CCNY: variants seen among roughly 807,000 people sequenced by gnomAD.
The protein encoded by CCNY is cyclin Y.
In CCNY, 19 loss-of-function variants were observed where a neutral mutation model predicts 42.8. The observed-to-expected ratio is 0.44, with a 90% confidence interval of 0.31 to 0.65. The LOEUF (loss-of-function observed/expected upper bound fraction) is 0.65, where lower values mean the gene tolerates loss of function less well. Ranked by LOEUF, CCNY falls within the 30% of genes least tolerant of loss-of-function variation. The probability of loss-of-function intolerance (pLI) is 0.07; values close to 1 mark genes in which losing one functional copy is unlikely to be tolerated. For missense variants in CCNY, 370 were observed against 437.3 expected (o/e 0.85, Z 1.37); for synonymous variants, 165 against 162.7 (o/e 1.01, Z -0.11).
intron 1 of CCNY, among the ~76,000 whole-genome samples, chr10:35,350,728 C>T (rs1359459334): frequency 6.6e-6 from 1 of 152,190 alleles, no homozygotes; most frequent in African/African-American, 2.4e-5. Flanking sequence ...GTGATGAGAT[C>T]ATTTAAATTA....
chr10:35,379,961 T>A (rs191254774), intron 1 of CCNY, among the ~76,000 whole-genome samples: 1 of 152,334 alleles, frequency 6.6e-6, no homozygotes, highest in East Asian at 1.9e-4. Flanking sequence ...CAGGCTGTCA[T>A]ATGAAGCATT....
chr10:35,465,938 A>AGAGAGAGAGAGAGAGAGTGTGTGT, intron 1 of CCNY, among the ~76,000 whole-genome samples: 48 of 81,014 alleles, frequency 5.9e-4, no homozygotes, highest in East Asian at 1.6e-3. Flanking sequence ...AGAGAGAGAG[A>AGAGAGAGAGAGAGAGAGTGTGTGT]GTGTGTGTGT....
In CCNY at chr10:35,530,424, G is replaced by C. The variant is rs1015467898; in HGVS notation, c.579+181G>C. On this transcript the variant is annotated intron_variant, in intron 7 of 9. Coordinates refer to ENST00000374704, the MANE Select transcript of CCNY (RefSeq NM_145012.6). The surrounding 1 kb of genome is among the most constrained non-coding windows in gnomAD (Gnocchi z 4.3). The stretch of plus-strand genomic sequence containing the variant: ...AATAGAGGATAGATATCCCGGAAGA[G>C]ATTGTGAAGATTGTTCTGTAGCCCC... 6.6e-6 allele frequency among the ~76,000 whole-genome samples: 1 copy of C among 152,234 alleles called. No homozygotes were observed. The highest frequency in any genetic ancestry group is 2.4e-5 in the African/African-American group (1 of 41,458).
intron 3 of CCNY, among the ~76,000 whole-genome samples, chr10:35,326,318 T>C (rs548702778): frequency 4.6e-5 from 7 of 152,036 alleles, no homozygotes; most frequent in Admixed American, 3.9e-4. Context: ...CACAGGAAAA[T>C]GCACATACAG....
chr10:35,535,562 G>C (rs558424705), intron 7 of CCNY, among the ~76,000 whole-genome samples: 1 of 152,178 alleles, frequency 6.6e-6, no homozygotes, highest in East Asian at 1.9e-4. Context: ...ATATGTATGA[G>C]AGACAGAGTG....
At position 35,506,013 on chromosome 10, in the gene CCNY, A is replaced by G. The variant is rs1840207036; in HGVS notation, c.264+4478A>G. ...ATTCTGGTTATAGGCTTCATCTGTA[A>G]GTCATAAAAGTCAAGTAATACAGTG... On this transcript the variant is annotated intron_variant, in intron 3 of 9. Transcript: ENST00000374704. Among the ~76,000 whole-genome samples, 3 of 152,218 alleles carry G rather than the reference A, an allele frequency of 2.0e-5. No individual in the cohort carries two copies. In the South Asian group the frequency reaches 6.2e-4, roughly 32 times the overall value.
In CCNY at chr10:35,464,160, C is replaced by T. The variant is rs572906336; in HGVS notation, c.155-19244C>T. On this transcript the variant is annotated intron_variant, in intron 1 of 9. Transcript: ENST00000374704. ...TTAAACCCAGCAGCATATCCACCGCCGAACTGGGTCTTCCAGCTCCCTCCT... is the reference window on the plus strand; with the variant it reads ...TTAAACCCAGCAGCATATCCACCGCTGAACTGGGTCTTCCAGCTCCCTCCT... Among the ~76,000 whole-genome samples the T allele has an allele frequency of 1.1e-4, 16 of 152,282 alleles. No individual in the cohort carries two copies. In the East Asian group the frequency reaches 1.9e-3, roughly 18 times the overall value.
chr10:35,486,947 C>T (rs1460545770), intron 2 of CCNY, among the ~76,000 whole-genome samples: 2 of 152,312 alleles, frequency 1.3e-5, no homozygotes, highest in African/African-American at 4.8e-5. Flanking sequence ...TAGGAGTAGC[C>T]TGTGGATCTT....
chr10:35,394,299 G>C (rs1837476723), intron 1 of CCNY, among the ~76,000 whole-genome samples: 1 of 152,200 alleles, frequency 6.6e-6, no homozygotes, highest in African/African-American at 2.4e-5. Context: ...AACTTATAAG[G>C]ATAGGTTAAT....
intron 3 of CCNY, among the ~76,000 whole-genome samples, chr10:35,289,691 T>C (rs907698734): frequency 2.7e-5 from 4 of 148,884 alleles, no homozygotes; most frequent in African/African-American, 1.0e-4. Flanking sequence ...CTGGCCAACA[T>C]GGTGAGACCC....
Position 35,477,706 on chromosome 10 carries a change from C to T in CCNY, c.155-5698C>T, listed in dbSNP as rs1299360960. ...ATACTGAATGGGCAAAAACTGGAAG[C>T]ATTCCCTTTGAAAACTGGCACAAGA... On this transcript the variant is annotated intron_variant, in intron 1 of 9. Coordinates refer to ENST00000374704, the MANE Select transcript of CCNY (RefSeq NM_145012.6). Among the ~76,000 whole-genome samples the T allele has an allele frequency of 2.0e-5, 3 of 151,070 alleles. 1 individual carries two copies. Among genetic ancestry groups the T allele is most frequent in the Non-Finnish European group, 4.4e-5 (3 of 67,552 alleles).
At chr10:35,510,443 C>G (rs918204960) in intron 3 of CCNY, among the ~76,000 whole-genome samples, 3 of 152,160 alleles carry the variant, frequency 2.0e-5, no homozygotes, top group African/African-American at 7.2e-5. Context: ...TCTCGAACTC[C>G]TGGGCTCAAT....
chr10:35,373,422 T>C, intron 1 of CCNY, among the ~76,000 whole-genome samples: 1 of 152,058 alleles, frequency 6.6e-6, no homozygotes, highest in South Asian at 2.1e-4. Context: ...GGTGGAGGAG[T>C]GTGCTCACCT....
chr10:35,476,822 C>A (rs936785916), intron 1 of CCNY, among the ~76,000 whole-genome samples: 1 of 152,046 alleles, frequency 6.6e-6, no homozygotes, highest in Non-Finnish European at 1.5e-5. Flanking sequence ...ACAAAAAACC[C>A]TTCAAAAAAA....
At chr10:35,348,369 G>A (rs1836351758) in intron 1 of CCNY, among the ~76,000 whole-genome samples, 1 of 152,196 alleles carries the variant, frequency 6.6e-6, no homozygotes, top group African/African-American at 2.4e-5. Context: ...GCATAACCAC[G>A]GAGGGGTCCA....
intron 1 of CCNY, among the ~76,000 whole-genome samples, chr10:35,424,907 T>C (rs557325406): frequency 6.6e-6 from 1 of 152,022 alleles, no homozygotes; most frequent in East Asian, 1.9e-4. Flanking sequence ...GGTTGGGGAG[T>C]CTAAGTGAAG....
At chr10:35,327,549 TAGC>T in intron 3 of CCNY, 1 of 152,336 alleles carries the variant, frequency 6.6e-6, no homozygotes, top group East Asian at 1.9e-4. Context: ...AGAAAACTGT[TAGC>T]AGGAGTAGAT....
chr10:35,530,278 G>A lies in CCNY; in HGVS notation c.579+35G>A. On this transcript the variant is annotated intron_variant, in intron 7 of 9. Coordinates refer to ENST00000374704, the MANE Select transcript of CCNY (RefSeq NM_145012.6). The surrounding 1 kb of genome is among the most constrained non-coding windows in gnomAD (Gnocchi z 4.3). Reference sequence around the variant, plus strand: ...CTCAGGATGGCCACACCCATCCCCAGCCGAGGTGGTCCAGGGCCCGTTCCT... The same window carrying A: ...CTCAGGATGGCCACACCCATCCCCAACCGAGGTGGTCCAGGGCCCGTTCCT... 1 of 1,613,276 alleles carries A rather than the reference G, an allele frequency of 6.2e-7. No homozygotes were observed. Among genetic ancestry groups the A allele is most frequent in the Non-Finnish European group, 8.5e-7 (1 of 1,179,796 alleles).
At chr10:35,265,078 T>C (rs752096234) in intron 3 of CCNY, among the ~76,000 whole-genome samples, 5 of 152,212 alleles carry the variant, frequency 3.3e-5, no homozygotes, top group Admixed American at 2.0e-4. Context: ...ACTCTGATGA[T>C]AGTTCATTTT....
Sources: gnomAD v4.1 joint callset for allele counts (sites outside exome capture counted in the v4.1 genomes callset) on GRCh38, gnomAD v4.1.1 for gene constraint, Gnocchi (gnomAD v3.1) non-coding constraint, MANE v1.5 for transcripts, NCBI Gene and HGNC (gene_info 2026-07-23, HGNC 2026-07-21) for gene names.